Variants in CHLSN observed in about 807,000 individuals in gnomAD.
The protein encoded by CHLSN is protein cholesin.
the CHLSN span, among the ~76,000 whole-genome samples, chr7:1,008,836 TACACACGC>T: frequency 1.7e-4 from 18 of 107,780 alleles, no homozygotes; most frequent in African/African-American, 6.2e-4. Flanking sequence ...ACAACGTGTA[TACACACGC>T]ACACACGTAA....
chr7:1,022,628 GAC>G, the CHLSN span, among the ~76,000 whole-genome samples: 1 of 152,180 alleles, frequency 6.6e-6, no homozygotes, highest in Non-Finnish European at 1.5e-5. Flanking sequence ...ACTCTGAAAT[GAC>G]AGTCCCACAA....
At chr7:1,105,980 C>T in the CHLSN span, among the ~76,000 whole-genome samples, 6 of 151,656 alleles carry the variant, frequency 4.0e-5, no homozygotes, top group East Asian at 1.9e-4. Flanking sequence ...GAGGAGCACA[C>T]GGAGGGGAGA....
At chr7:1,029,709 G>A in the CHLSN span, among the ~76,000 whole-genome samples, 4 of 149,648 alleles carry the variant, frequency 2.7e-5, no homozygotes, top group South Asian at 4.3e-4. Context: ...AGCTCTGGTC[G>A]CGGGGCCCTG....
chr7:1,081,719 A>G, the CHLSN span, among the ~76,000 whole-genome samples: 1 of 129,132 alleles, frequency 7.7e-6, no homozygotes, highest in South Asian at 2.3e-4. Context: ...AGGGACAGGG[A>G]GGCCTCTCGA....
At chr7:1,069,451 A>C in the CHLSN span, among the ~76,000 whole-genome samples, 2 of 134,700 alleles carry the variant, frequency 1.5e-5, no homozygotes, top group Admixed American at 7.3e-5. Context: ...GCTCACTGCA[A>C]CCTCCCTGCC....
At chr7:1,049,983 A>G in the CHLSN span, among the ~76,000 whole-genome samples, 68 of 151,748 alleles carry the variant, frequency 4.5e-4, no homozygotes, top group Non-Finnish European at 8.2e-4. Context: ...GCTGCCCCAC[A>G]CTGTCGGCCC....
At chr7:994,026 C>T in the CHLSN span, among the ~76,000 whole-genome samples, 78 of 152,338 alleles carry the variant, frequency 5.1e-4, no homozygotes, top group South Asian at 0.016. Flanking sequence ...TGCGTGTTCG[C>T]ACCCCCAATG....
chr7:1,005,679 G>C, the CHLSN span, among the ~76,000 whole-genome samples: 3 of 152,246 alleles, frequency 2.0e-5, no homozygotes, highest in Non-Finnish European at 2.9e-5. Context: ...GGAGGCCACG[G>C]GGTGCAAGGA....
the CHLSN span, among the ~76,000 whole-genome samples, chr7:1,066,796 A>G: frequency 6.6e-6 from 1 of 152,064 alleles, no homozygotes; most frequent in African/African-American, 2.4e-5. Flanking sequence ...TCGGGGCACA[A>G]TCTTCACAAA....
At chr7:993,673 G>C in the CHLSN span, among the ~76,000 whole-genome samples, 19 of 152,210 alleles carry the variant, frequency 1.2e-4, no homozygotes, top group Admixed American at 6.5e-5. Flanking sequence ...CTACTCAGGA[G>C]GCTGAGGGAG....
the CHLSN span, among the ~76,000 whole-genome samples, chr7:1,136,049 T>C: frequency 8.6e-6 from 1 of 115,782 alleles, no homozygotes; most frequent in South Asian, 2.5e-4. Context: ...AATATATAAG[T>C]ATATATAAAT....
At chr7:1,057,361 C>T in the CHLSN span, 1 of 595,160 alleles carries the variant, frequency 1.7e-6, no homozygotes, top group Non-Finnish European at 3.0e-6. Context: ...CAGAAATGCA[C>T]CAAAGGCAGC....
chr7:986,409 G>A, the CHLSN span: 40 of 599,042 alleles, frequency 6.7e-5, no homozygotes, highest in South Asian at 7.6e-4. Flanking sequence ...GTGCAAACCT[G>A]CCTGGCTGTC....
the CHLSN span, among the ~76,000 whole-genome samples, chr7:1,083,813 AC>A: frequency 6.6e-6 from 1 of 152,182 alleles, no homozygotes; most frequent in Non-Finnish European, 1.5e-5. Flanking sequence ...GCCCACGTCC[AC>A]CAGTGCCAGG....
At chr7:1,008,259 T>C in the CHLSN span, among the ~76,000 whole-genome samples, 1 of 152,190 alleles carries the variant, frequency 6.6e-6, no homozygotes, top group Admixed American at 6.5e-5. Flanking sequence ...TGCCCACACC[T>C]GGGCTCGAGA....
At chr7:1,035,187 C>T in the CHLSN span, among the ~76,000 whole-genome samples, 4 of 149,068 alleles carry the variant, frequency 2.7e-5, no homozygotes, top group Admixed American at 2.7e-4. Flanking sequence ...CATGTCTTTG[C>T]TATTGTGAAC....
At chr7:1,093,030 C>T in the CHLSN span, 4 of 726,406 alleles carry the variant, frequency 5.5e-6, no homozygotes, top group Non-Finnish European at 7.6e-6. Context: ...GCTTAGGAAA[C>T]CTCACGACTG....
the CHLSN span, chr7:987,137 G>A: frequency 6.4e-7 from 1 of 1,572,284 alleles, no homozygotes; most frequent in African/African-American, 1.4e-5. Context: ...GTTTGCTGAG[G>A]CCAACGCGGT....
the CHLSN span, chr7:1,000,615 CT>C: frequency 2.9e-6 from 4 of 1,381,380 alleles, no homozygotes; most frequent in Non-Finnish European, 4.0e-6. Flanking sequence ...GCTGTCTGCC[CT>C]GAGAGATCGG....
Sources: gnomAD v4.1 joint callset for allele counts (sites outside exome capture counted in the v4.1 genomes callset) on GRCh38, gnomAD v4.1.1 for gene constraint, MANE v1.5 for transcripts, NCBI Gene and HGNC (gene_info 2026-07-23, HGNC 2026-07-21) for gene names.